Variants in PTPRM observed in about 807,000 individuals in gnomAD.
PTPRM encodes the protein protein tyrosine phosphatase receptor type M, also known as receptor-type tyrosine-protein phosphatase mu.
In PTPRM, 47 loss-of-function variants were observed where a neutral mutation model predicts 186.7. The ratio of observed to expected loss-of-function variants is 0.25; its 90% CI spans 0.20 to 0.32. The LOEUF (loss-of-function observed/expected upper bound fraction) is 0.32. Among genes scored for constraint, PTPRM ranks in the 10% least tolerant of loss-of-function variants. PTPRM has a pLI of 1.00. For missense variants in PTPRM, 1,494 were observed against 1,865.0 expected (o/e 0.80, Z 3.66); for synonymous variants, 668 against 674.9 (o/e 0.99, Z 0.16).
chr18:7,795,810 C>CT (rs397741769), intron 2 of PTPRM, among the ~76,000 whole-genome samples: 9,666 of 117,716 alleles, frequency 0.082, 915 homozygotes, highest in East Asian at 0.21. Context: ...TTCTTTCTTT[C>CT]TTTTTTTTTT....
At chr18:7,957,616 A>G (rs2053401721) in intron 7 of PTPRM, among the ~76,000 whole-genome samples, 1 of 152,198 alleles carries the variant, frequency 6.6e-6, no homozygotes, top group African/African-American at 2.4e-5. Context: ...AGTTAGAAAG[A>G]AGAGGGGAAG....
At chr18:7,919,083 G>T (rs573666529) in intron 4 of PTPRM, among the ~76,000 whole-genome samples, 68 of 152,198 alleles carry the variant, frequency 4.5e-4, no homozygotes, top group African/African-American at 1.5e-3. Context: ...TAGCACCTTT[G>T]TCAAAGACAA....
chr18:8,248,058 T>C, intron 16 of PTPRM, 92 bp from the exon 17 acceptor site: 5 of 1,385,818 alleles, frequency 3.6e-6, no homozygotes, highest in Non-Finnish European at 5.1e-6. Flanking sequence ...TACAGCTTTC[T>C]ATGCAGAAAA....
chr18:8,163,613 T>G (rs1346866653), intron 14 of PTPRM, among the ~76,000 whole-genome samples: 2 of 152,212 alleles, frequency 1.3e-5, no homozygotes, highest in African/African-American at 4.8e-5. Flanking sequence ...AACACTGATA[T>G]AAAGAACAAC....
chr18:7,701,923 A>G lies in PTPRM; in HGVS notation c.74-72226A>G, dbSNP rs553323962. Among the ~76,000 whole-genome samples the G allele has an allele frequency of 1.6e-3, 238 of 151,230 alleles. 1 individual carries two copies. The highest frequency in any genetic ancestry group is 5.5e-3 in the African/African-American group (225 of 41,194). ...TGTGTCCATGTGTTCTCATTGTTCA[A>G]CTCCCGTTTATGAGAACATGTGGTG... On this transcript the variant is annotated intron_variant, in intron 1 of 32. Coordinates refer to ENST00000580170, the MANE Select transcript of PTPRM (RefSeq NM_001105244.2).
At chr18:7,683,361 C>T (rs992570316) in intron 1 of PTPRM, among the ~76,000 whole-genome samples, 1 of 151,974 alleles carries the variant, frequency 6.6e-6, no homozygotes, top group African/African-American at 2.4e-5. Context: ...TTTATAGAGA[C>T]AGGGCCTTGC....
chr18:8,221,547 T>G (rs1020826872), intron 14 of PTPRM, among the ~76,000 whole-genome samples: 3 of 152,172 alleles, frequency 2.0e-5, no homozygotes, highest in Non-Finnish European at 4.4e-5. Flanking sequence ...AGAAAATTTA[T>G]AGATAGAAAA....
intron 1 of PTPRM, among the ~76,000 whole-genome samples, chr18:7,661,925 A>ATT (rs373600928): frequency 1.3e-5 from 2 of 150,256 alleles, no homozygotes; most frequent in African/African-American, 4.9e-5. Flanking sequence ...CATGTATATG[A>ATT]TTTTTTTTTT....
intron 1 of PTPRM, among the ~76,000 whole-genome samples, chr18:7,729,806 A>C (rs543210969): frequency 6.6e-6 from 1 of 152,268 alleles, no homozygotes; most frequent in African/African-American, 2.4e-5. Flanking sequence ...ATCATATAGA[A>C]CCATCTAAAG....
chr18:7,609,269 G>A (rs543937094), intron 1 of PTPRM, among the ~76,000 whole-genome samples: 2 of 152,260 alleles, frequency 1.3e-5, no homozygotes, highest in Non-Finnish European at 1.5e-5. Flanking sequence ...TCTTTGCATA[G>A]CTGTAAATGA....
intron 2 of PTPRM, among the ~76,000 whole-genome samples, chr18:7,804,471 C>A (rs1021727378): frequency 6.6e-6 from 1 of 152,132 alleles, no homozygotes; most frequent in Non-Finnish European, 1.5e-5. Context: ...AGCTTTGTAA[C>A]CAAAATTCAA....
chr18:7,592,296 C>T (rs903395771), intron 1 of PTPRM, among the ~76,000 whole-genome samples: 7 of 152,086 alleles, frequency 4.6e-5, no homozygotes, highest in African/African-American at 1.4e-4. Flanking sequence ...GACATGGGAG[C>T]TAGGAGAGTA....
At position 8,177,841 on chromosome 18, in the gene PTPRM, G is replaced by T. The variant is rs1031006186; in HGVS notation, c.2300+34062G>T. Among the ~76,000 whole-genome samples, 5 of 152,164 alleles carry T rather than the reference G, an allele frequency of 3.3e-5. No homozygotes were observed. In the East Asian group the frequency reaches 9.6e-4, roughly 29 times the overall value. ...TTGTACATATTGGCATGCTTCCAGG[G>T]TCTTGTGTCTCTTCTCCCCTGATTC... is the stretch of plus-strand genomic sequence containing the variant. On this transcript the variant is annotated intron_variant, in intron 14 of 32. Coordinates refer to ENST00000580170, the MANE Select transcript of PTPRM (RefSeq NM_001105244.2).
At chr18:7,924,363 A>G (rs1171833057) in intron 4 of PTPRM, among the ~76,000 whole-genome samples, 15 of 152,238 alleles carry the variant, frequency 9.9e-5, no homozygotes, top group African/African-American at 3.4e-4. Context: ...TAGATTTATT[A>G]GAAGAAATTT....
chr18:7,918,830 G>A (rs1422193659), intron 4 of PTPRM, among the ~76,000 whole-genome samples: 1 of 151,910 alleles, frequency 6.6e-6, no homozygotes, highest in African/African-American at 2.4e-5. Context: ...TTTTTGTTTT[G>A]GTTGCTCTTG....
chr18:8,320,724 G>C (rs2095340452), intron 22 of PTPRM, among the ~76,000 whole-genome samples: 1 of 152,146 alleles, frequency 6.6e-6, no homozygotes, highest in South Asian at 2.1e-4. Context: ...ACACCACACA[G>C]AGTCCACAGT....
At chr18:8,199,265 G>T (rs1409943901) in intron 14 of PTPRM, among the ~76,000 whole-genome samples, 1 of 152,182 alleles carries the variant, frequency 6.6e-6, no homozygotes, top group African/African-American at 2.4e-5. Flanking sequence ...CTGAAGTGTG[G>T]AGTTTAAGTA....
intron 7 of PTPRM, among the ~76,000 whole-genome samples, chr18:7,991,667 G>T (rs1283945330): frequency 6.6e-6 from 1 of 152,090 alleles, no homozygotes. Flanking sequence ...CTTAGATTTG[G>T]TTTAGTTTTA....
intron 29 of PTPRM, 131 bp downstream of exon 29, chr18:8,380,558 G>A: frequency 9.1e-7 from 1 of 1,101,150 alleles, no homozygotes; most frequent in East Asian, 2.4e-5. Context: ...GTTGAGAACT[G>A]GGGATGCTGA....
Sources: gnomAD v4.1 joint callset for allele counts (sites outside exome capture counted in the v4.1 genomes callset) on GRCh38, gnomAD v4.1.1 for gene constraint, MANE v1.5 for transcripts, NCBI Gene and HGNC (gene_info 2026-07-23, HGNC 2026-07-21) for gene names.